SCHIP1: variants seen among roughly 807,000 people sequenced by gnomAD.
The protein encoded by SCHIP1 is schwannomin interacting protein 1.
A neutral mutation model predicts 29.7 loss-of-function variants in SCHIP1; 8 were observed. That is an observed-to-expected ratio of 0.27 (90% CI 0.16 to 0.49). The LOEUF is 0.49. Among genes scored for constraint, SCHIP1 ranks in the 20% least tolerant of loss-of-function variants. The pLI is 0.99. For missense variants in SCHIP1, 193 were observed against 294.6 expected (o/e 0.66, Z 2.52); for synonymous variants, 76 against 94.9 (o/e 0.80, Z 1.16).
At chr3:159,303,450 A>G in the SCHIP1 span, among the ~76,000 whole-genome samples, 1 of 148,032 alleles carries the variant, frequency 6.8e-6, no homozygotes. Context: ...GAGAGAGAGA[A>G]AGAGAGAGAG....
At chr3:159,402,196 G>A in the SCHIP1 span, among the ~76,000 whole-genome samples, 1 of 152,142 alleles carries the variant, frequency 6.6e-6, no homozygotes, top group African/African-American at 2.4e-5. Context: ...ATCATCACTG[G>A]CCATCAGAGA....
chr3:159,447,438 G>T, the SCHIP1 span, among the ~76,000 whole-genome samples: 1 of 152,086 alleles, frequency 6.6e-6, no homozygotes, highest in Admixed American at 6.6e-5. Flanking sequence ...GAGTAAAAAG[G>T]TCTTCAAATT....
chr3:159,843,300 C>T (rs532369722), intron 1 of SCHIP1, among the ~76,000 whole-genome samples: 52 of 151,560 alleles, frequency 3.4e-4, no homozygotes, highest in African/African-American at 1.1e-3. Flanking sequence ...GGCATGAGCG[C>T]GGCCTATCCC....
the SCHIP1 span, among the ~76,000 whole-genome samples, chr3:159,683,196 GCA>G: frequency 1.8e-4 from 28 of 152,052 alleles, no homozygotes; most frequent in South Asian, 5.6e-3. Context: ...GATTACAGGC[GCA>G]CACCACCAGG....
chr3:159,602,490 C>G, the SCHIP1 span, among the ~76,000 whole-genome samples: 1 of 152,122 alleles, frequency 6.6e-6, no homozygotes, highest in Admixed American at 6.5e-5. Context: ...GCAAGTGGAT[C>G]ACGAGGTCAG....
the SCHIP1 span, among the ~76,000 whole-genome samples, chr3:159,744,852 G>T: frequency 1.3e-5 from 2 of 152,202 alleles, no homozygotes; most frequent in Non-Finnish European, 2.9e-5. Flanking sequence ...GGGCGTGGTG[G>T]CAGGCGCCTG....
the SCHIP1 span, among the ~76,000 whole-genome samples, chr3:159,807,393 C>T: frequency 6.6e-6 from 1 of 152,204 alleles, no homozygotes; most frequent in Admixed American, 6.5e-5. Flanking sequence ...TGCACACCTG[C>T]TTTCACAAGC....
At chr3:159,840,167 G>C in exon 1 of SCHIP1, 10 of 1,535,452 alleles carry the variant, frequency 6.5e-6, no homozygotes, top group Non-Finnish European at 8.7e-6. Flanking sequence ...TGGGGTCTGC[G>C]CCCTAGGATG....
chr3:159,730,346 T>G, the SCHIP1 span, among the ~76,000 whole-genome samples: 1 of 152,190 alleles, frequency 6.6e-6, no homozygotes. Context: ...CCTCATAGGT[T>G]TGACATGAGA....
the SCHIP1 span, among the ~76,000 whole-genome samples, chr3:159,750,286 TATATATATATACACACAC>T: frequency 2.0e-4 from 22 of 110,284 alleles, no homozygotes; most frequent in South Asian, 4.5e-3. Context: ...TATATATATA[TATATATATATACACACAC>T]ACACACACAC....
chr3:159,837,340 T>C (rs1367324933), upstream of SCHIP1, among the ~76,000 whole-genome samples: 2 of 152,202 alleles, frequency 1.3e-5, no homozygotes, highest in African/African-American at 2.4e-5. Context: ...GTGTTTTTTA[T>C]ATTAAACAGA....
intron 1 of SCHIP1, among the ~76,000 whole-genome samples, chr3:159,863,077 C>T (rs536673167): frequency 6.6e-6 from 1 of 152,184 alleles, no homozygotes; most frequent in Non-Finnish European, 1.5e-5. Flanking sequence ...CATGGTGGCT[C>T]ACGCTTGTAA....
chr3:159,305,546 T>C, the SCHIP1 span, among the ~76,000 whole-genome samples: 2 of 152,246 alleles, frequency 1.3e-5, no homozygotes, highest in African/African-American at 4.8e-5. Context: ...TTCAGATTCC[T>C]CTGAGACCAT....
the SCHIP1 span, among the ~76,000 whole-genome samples, chr3:159,740,106 C>T: frequency 2.0e-5 from 3 of 152,234 alleles, no homozygotes; most frequent in Non-Finnish European, 4.4e-5. Context: ...CAGCAAGTGG[C>T]CCCCAGACTG....
the SCHIP1 span, among the ~76,000 whole-genome samples, chr3:159,819,759 C>A: frequency 6.6e-6 from 1 of 152,200 alleles, no homozygotes; most frequent in Non-Finnish European, 1.5e-5. Context: ...CTAGACCAGG[C>A]AGTGTATCTA....
the SCHIP1 span, among the ~76,000 whole-genome samples, chr3:159,563,584 T>TA: frequency 1.3e-5 from 2 of 152,100 alleles, no homozygotes; most frequent in African/African-American, 4.8e-5. Flanking sequence ...ATCCCAGCAC[T>TA]TTGGAAGGCC....
chr3:159,349,593 A>G, the SCHIP1 span, among the ~76,000 whole-genome samples: 152 of 152,260 alleles, frequency 1.0e-3, 2 homozygotes, highest in East Asian at 0.027. Flanking sequence ...TCCCTACTAC[A>G]ATCTGTTCTT....
chr3:159,625,145 C>A, the SCHIP1 span, among the ~76,000 whole-genome samples: 1 of 152,180 alleles, frequency 6.6e-6, no homozygotes, highest in Non-Finnish European at 1.5e-5. Context: ...GCGCAGTGTG[C>A]TGATAAAACC....
At chr3:159,377,502 A>G in the SCHIP1 span, among the ~76,000 whole-genome samples, 1 of 152,196 alleles carries the variant, frequency 6.6e-6, no homozygotes, top group Admixed American at 6.5e-5. Flanking sequence ...TGGAGAATCT[A>G]TTGCATTGTT....
Sources: allele counts gnomAD v4.1 joint callset (sites outside exome capture counted in the v4.1 genomes callset), GRCh38; gene constraint gnomAD v4.1.1; transcripts MANE v1.5; gene names NCBI Gene and HGNC (gene_info 2026-07-23, HGNC 2026-07-21).